USP20: variants seen among roughly 807,000 people sequenced by gnomAD.
USP20 encodes the protein ubiquitin carboxyl-terminal hydrolase 20.
Under a neutral mutation model 124.2 loss-of-function variants are expected in USP20, and 80 were observed. That is an observed-to-expected ratio of 0.64 (90% CI 0.54 to 0.78). USP20 has a LOEUF of 0.78. Ranked by LOEUF, USP20 falls within the 30% of genes least tolerant of loss-of-function variation. The pLI is 0.00. For missense variants in USP20, 1,043 were observed against 1,244.4 expected, an observed-to-expected ratio of 0.84 and a Z score of 2.44; for synonymous variants, 481 against 512.3, an observed-to-expected ratio of 0.94 and a Z score of 0.83.
chr9:129,857,321 C>T (rs1244352269), intron 4 of USP20, among the ~76,000 whole-genome samples: 1 of 152,214 alleles, frequency 6.6e-6, no homozygotes, highest in African/African-American at 2.4e-5. Flanking sequence ...ATGTAGGAGC[C>T]TGATGCAGAA....
chr9:129,865,468 A>C, intron 10 of USP20, 87 bp downstream of exon 10: 2 of 1,417,682 alleles, frequency 1.4e-6, no homozygotes, highest in Admixed American at 1.7e-5. Context: ...GGAAAATCGC[A>C]ATGGCAGCTG....
rs1275602923 is a variant in USP20, at chr9:129,879,211, C to T, written c.2513-362C>T. ...TGAGTGGTTACTTCACCTTCCCAGG[C>T]CTCGGCTCTGTCTCTGTAAACCTCT... On this transcript the variant is annotated intron_variant, in intron 23 of 25. Coordinates refer to ENST00000372429, the MANE Select transcript of USP20 (RefSeq NM_001110303.4). This position sits in a 1 kb window ranked among gnomAD's most constrained non-coding sequence, Gnocchi z 4.2. Among the ~76,000 whole-genome samples, 2 of 152,226 alleles carry T rather than the reference C, an allele frequency of 1.3e-5. No individual in the cohort carries two copies. The highest frequency in any genetic ancestry group is 1.3e-4 in the Admixed American group (2 of 15,284).
chr9:129,856,831 G>A (rs1380095349), intron 4 of USP20, among the ~76,000 whole-genome samples: 6 of 152,172 alleles, frequency 3.9e-5, no homozygotes, highest in African/African-American at 1.4e-4. Context: ...TGGACAAGAC[G>A]GATGCCTGTG....
At position 129,875,418 on chromosome 9, in the gene USP20, G is replaced by A; in HGVS notation, c.2157G>A (p.Lys719=). The A allele has an allele frequency of 1.2e-6, 2 of 1,613,734 alleles. No homozygotes were observed. The highest frequency in any genetic ancestry group is 1.1e-5 in the South Asian group (1 of 91,086). The stretch of plus-strand genomic sequence containing the variant: ...ACGTGTCCCGCGAGTGGCTCAACAA[G>A]TTCAACACCTTCGCGGAGCCAGGCC... The part of the protein sequence containing the change: ...RFYVSREWLN[K]FNTFAEPGPI... Residue 719 remains lysine, a synonymous_variant, in exon 20 of 26, where the codon AAG becomes AAA. Coordinates refer to ENST00000372429, the MANE Select transcript of USP20 (RefSeq NM_001110303.4).
chr9:129,861,090 A>C, intron 7 of USP20, 57 bp downstream of exon 7: 3 of 1,512,344 alleles, frequency 2.0e-6, no homozygotes, highest in Non-Finnish European at 2.8e-6. Context: ...CCTCATCTGG[A>C]GGCTGGAAAC....
At position 129,852,632 on chromosome 9, in the gene USP20, C is replaced by T. The variant is rs1393010324; in HGVS notation, c.77C>T (p.Ser26Phe). 2 of 1,588,678 alleles carry T rather than the reference C, an allele frequency of 1.3e-6. No individual in the cohort carries two copies. Among genetic ancestry groups the T allele is most frequent in the South Asian group, 1.1e-5 (1 of 87,238 alleles). The change falls in exon 3 of 26, where the codon TCT (serine) becomes TTT (phenylalanine). Residue 26 changes from serine to phenylalanine, a missense_variant. Ser to Phe is a radical substitution (Grantham distance 155, BLOSUM62 -2). Coordinates refer to ENST00000372429, the MANE Select transcript of USP20 (RefSeq NM_001110303.4). ...EVTKEDLLLK[S>F]KGTCQSCGVT... ...ACCAAAGAGGACTTGCTGCTCAAAT[C>T]TAAGGTAAAGGGTCAGACCTTACGG...
At position 129,863,922 on chromosome 9, in the gene USP20, ATGG is replaced by A. The variant is rs571608709; in HGVS notation, c.611+626_611+628del. Among the ~76,000 whole-genome samples the A allele has an allele frequency of 2.1e-3, 327 of 152,182 alleles. 4 individuals carry two copies. Among genetic ancestry groups the A allele is most frequent in the African/African-American group, 7.6e-3 (314 of 41,526 alleles). ...AGAGATCGAGACCGTTCTGGCCAAC[ATGG>A]TGAAACCCCGTGTCTAATAAAAATA... is the stretch of plus-strand genomic sequence containing the variant. On this transcript the variant is annotated intron_variant, in intron 9 of 25. Coordinates refer to ENST00000372429, the MANE Select transcript of USP20 (RefSeq NM_001110303.4).
intron 3 of USP20, 63 bp from the exon 4 acceptor site, chr9:129,856,244 A>G (rs907903686): frequency 6.5e-7 from 1 of 1,533,092 alleles, no homozygotes; most frequent in Non-Finnish European, 9.0e-7. Flanking sequence ...GAGCAGTCTC[A>G]GTGCTCAGCC....
chr9:129,861,227 G>A (rs1190837029), intron 7 of USP20, among the ~76,000 whole-genome samples, 194 bp downstream of exon 7: 3 of 152,192 alleles, frequency 2.0e-5, no homozygotes, highest in Non-Finnish European at 4.4e-5. Context: ...CTGGAGAGCT[G>A]GCTATCTTGT....
At chr9:129,861,221 A>G (rs1473272090) in intron 7 of USP20, among the ~76,000 whole-genome samples, 188 bp downstream of exon 7, 1 of 152,202 alleles carries the variant, frequency 6.6e-6, no homozygotes, top group Non-Finnish European at 1.5e-5. Flanking sequence ...AAGGTTCTGG[A>G]GAGCTGGCTA....
chr9:129,874,604 G>T lies in USP20; in HGVS notation c.1769G>T (p.Arg590Leu). 1 of 1,613,714 alleles carries T rather than the reference G, an allele frequency of 6.2e-7. No individual in the cohort carries two copies. The stretch of plus-strand genomic sequence containing the variant: ...CTGTGCATTCACCTAAAGCGCTTTC[G>T]GCACGAGGTGATGTACTCATTCAAG... Reference protein sequence around the residue: ...EILCIHLKRFRHEVMYSFKIN... With the variant: ...EILCIHLKRFLHEVMYSFKIN... The change falls in exon 18 of 26, where the codon CGG becomes CTG. Residue 590 changes from arginine to leucine, a missense_variant. Coordinates refer to ENST00000372429, the MANE Select transcript of USP20 (RefSeq NM_001110303.4).
intron 6 of USP20, 111 bp from the exon 7 acceptor site, chr9:129,860,826 A>G (rs1365631712): frequency 3.7e-6 from 4 of 1,095,014 alleles, no homozygotes; most frequent in Admixed American, 4.0e-5. Flanking sequence ...GGCTCAGCCC[A>G]GTAGGGCCTT....
intron 1 of USP20, among the ~76,000 whole-genome samples, chr9:129,846,247 A>ATATATATATGTATTTTTTTTTTTTTT (rs1554742656): frequency 3.1e-5 from 1 of 32,664 alleles, no homozygotes; most frequent in Non-Finnish European, 5.2e-5. Flanking sequence ...ATATATATAT[A>ATATATATATGTATTTTTTTTTTTTTT]TTTTTTTTTT....
At position 129,868,912 on chromosome 9, in the gene USP20, G is replaced by A. The variant is rs769591958; in HGVS notation, c.1186G>A (p.Val396Ile). ...CAGCTCCTCTCGCCCCTGCAGCCCC[G>A]TCCACCACCACGAGGGCCATGCCAA... ...LRSSSRPCSP[V>I]HHHEGHAKLS... The change falls in exon 12 of 26, where the codon GTC becomes ATC. Residue 396 changes from valine (V) to isoleucine (I), a missense_variant. Coordinates refer to ENST00000372429, the MANE Select transcript of USP20 (RefSeq NM_001110303.4). 2.2e-5 allele frequency: 36 copies of A among 1,611,018 alleles called. No individual in the cohort carries two copies. The highest frequency in any genetic ancestry group is 7.7e-5 in the South Asian group (7 of 90,748).
chr9:129,863,188 C>T lies in USP20; in HGVS notation c.500C>T (p.Pro167Leu), dbSNP rs1020280730. 2.0e-6 allele frequency: 3 copies of T among 1,529,382 alleles called. No individual in the cohort carries two copies. The highest frequency in any genetic ancestry group is 1.4e-5 in the African/African-American group (1 of 72,748). The allele number at this position is 1,529,382 out of a possible 1,614,324, so 94.7% of individuals were successfully genotyped here. Residue 167 changes from proline to leucine, a missense_variant and splice_region_variant, in exon 9 of 26, where the codon CCG becomes CTG. Coordinates refer to ENST00000372429, the MANE Select transcript of USP20 (RefSeq NM_001110303.4). The part of the protein sequence containing the change: ...NAALQALSNC[P>L]PLTQFFLECG... Reference sequence around the variant, plus strand: ...GGCTCTCTCTCCCCTGCACCCAGCCCGCCGCTGACTCAGTTCTTCTTGGAG... The same window carrying T: ...GGCTCTCTCTCCCCTGCACCCAGCCTGCCGCTGACTCAGTTCTTCTTGGAG...
At chr9:129,857,186 C>G (rs918582711) in intron 4 of USP20, among the ~76,000 whole-genome samples, 12 of 152,172 alleles carry the variant, frequency 7.9e-5, no homozygotes, top group African/African-American at 2.9e-4. Flanking sequence ...TGTCACTCAG[C>G]ACAAAGTAGA....
At position 129,868,230 on chromosome 9, in the gene USP20, C is replaced by G. The variant is rs1464846554; in HGVS notation, c.916C>G (p.Gln306Glu). The change falls in exon 11 of 26, where the codon CAG becomes GAG. Residue 306 changes from glutamine (Q) to glutamate (E), a missense_variant. Transcript: ENST00000372429. ...DGQGRGGGSSQAETELLIPDE... is the reference protein window; with the variant it reads ...DGQGRGGGSSEAETELLIPDE... ...GCAGGGGCGTGGCGGGGGCAGCTCG[C>G]AGGCCGAGACGGAGCTGCTGATCCC... The G allele has an allele frequency of 1.2e-6, 2 of 1,613,796 alleles. No homozygotes were observed. Among genetic ancestry groups the G allele is most frequent in the South Asian group, 2.2e-5 (2 of 91,072 alleles).
chr9:129,855,906 A>G (rs556776547), intron 3 of USP20, among the ~76,000 whole-genome samples: 84 of 152,318 alleles, frequency 5.5e-4, no homozygotes, highest in African/African-American at 1.9e-3. Context: ...AGAACAGACC[A>G]TCCCTCTTTC....
Position 129,867,598 on chromosome 9 carries a change from C to T in USP20, c.691-407C>T, listed in dbSNP as rs544363440. On this transcript the variant is annotated intron_variant, in intron 10 of 25. Coordinates refer to ENST00000372429, the MANE Select transcript of USP20 (RefSeq NM_001110303.4). ...TCACACTCCCTCATCCTTCCGCCAC[C>T]CCCCTGCCCACCTCCACTGGTCTCA... is the stretch of plus-strand genomic sequence containing the variant. 4.6e-5 allele frequency among the ~76,000 whole-genome samples: 7 copies of T among 152,234 alleles called. 1 individual carries two copies. The South Asian group carries it at 1.5e-3, about 32-fold the overall frequency.
Sources: gnomAD v4.1 joint callset for allele counts (sites outside exome capture counted in the v4.1 genomes callset) on GRCh38, gnomAD v4.1.1 for gene constraint, Gnocchi (gnomAD v3.1) non-coding constraint, MANE v1.5 for transcripts, NCBI Gene and HGNC (gene_info 2026-07-23, HGNC 2026-07-21) for gene names.